KCNQ5: variants seen among roughly 807,000 people sequenced by gnomAD.
The protein encoded by KCNQ5 is potassium voltage-gated channel subfamily Q member 5.
A neutral mutation model predicts 98.2 loss-of-function variants in KCNQ5; 30 were observed. The ratio of observed to expected loss-of-function variants is 0.31; its 90% confidence interval spans 0.23 to 0.41. The LOEUF (loss-of-function observed/expected upper bound fraction) is 0.41, where lower values mean the gene tolerates loss of function less well. KCNQ5 is among the 10% of genes least tolerant of loss of function. The pLI is 1.00. For missense variants in KCNQ5, 835 were observed against 1,182.5 expected, an observed-to-expected ratio of 0.71 and a Z score of 4.31; for synonymous variants, 458 against 449.4, an observed-to-expected ratio of 1.02 and a Z score of -0.24.
At chr6:73,164,626 G>T (rs1393764176) in intron 10 of KCNQ5, among the ~76,000 whole-genome samples, 1 of 152,148 alleles carries the variant, frequency 6.6e-6, no homozygotes, top group Non-Finnish European at 1.5e-5. Context: ...ATTTATGTGT[G>T]AACAATATAG....
chr6:72,984,368 A>C (rs539328314), intron 1 of KCNQ5, among the ~76,000 whole-genome samples: 64 of 152,192 alleles, frequency 4.2e-4, no homozygotes, highest in Non-Finnish European at 7.6e-4. Context: ...GGCTCCACCC[A>C]GTTTGAGCTT....
At chr6:72,635,799 G>A (rs1242009141) in intron 1 of KCNQ5, among the ~76,000 whole-genome samples, 1 of 148,784 alleles carries the variant, frequency 6.7e-6, no homozygotes, top group Admixed American at 6.8e-5. Context: ...CTTAAGAGAT[G>A]CATTGAATTT....
At chr6:72,681,095 A>C (rs1767684166) in intron 1 of KCNQ5, among the ~76,000 whole-genome samples, 1 of 152,244 alleles carries the variant, frequency 6.6e-6, no homozygotes, top group Non-Finnish European at 1.5e-5. Flanking sequence ...TCTGTAAACC[A>C]GGACACAAGT....
At position 73,195,712 on chromosome 6, in the gene KCNQ5, G is replaced by A. The variant is rs1765769208; in HGVS notation, c.*298G>A. On this transcript the variant is annotated 3_prime_UTR_variant, in exon 14 of 14. Transcript: ENST00000370398. Reference sequence around the variant, plus strand: ...GAATATGTCAAGTTTAGGTCATTTAGAAGATTTGACACTGTATTTTGAAAT... The same window carrying A: ...GAATATGTCAAGTTTAGGTCATTTAAAAGATTTGACACTGTATTTTGAAAT... 1.0e-5 allele frequency: 3 copies of A among 299,668 alleles called. No individual in the cohort carries two copies. In the South Asian group the frequency reaches 1.7e-4, roughly 17 times the overall value. The allele number at this position is 299,668 out of a possible 1,614,324, so 18.6% of individuals were successfully genotyped here. A position where few individuals can be genotyped will look rare whatever the true frequency, so the allele number is the denominator to read the frequency against.
intron 1 of KCNQ5, among the ~76,000 whole-genome samples, chr6:72,782,482 G>A (rs184691241): frequency 6.6e-6 from 1 of 152,270 alleles, no homozygotes; most frequent in East Asian, 1.9e-4. Context: ...GTATCACAAA[G>A]CATGCACCAT....
chr6:72,679,773 C>T (rs1033485845), intron 1 of KCNQ5, among the ~76,000 whole-genome samples: 9 of 152,184 alleles, frequency 5.9e-5, no homozygotes, highest in Admixed American at 2.0e-4. Context: ...GGCATGGTGG[C>T]TCACGTCTGT....
chr6:72,641,452 G>A (rs572552865), intron 1 of KCNQ5, among the ~76,000 whole-genome samples: 41 of 152,162 alleles, frequency 2.7e-4, no homozygotes, highest in African/African-American at 9.6e-4. Context: ...ATGTTAAACA[G>A]GCCTACCACT....
chr6:72,763,837 T>C (rs1772413670), intron 1 of KCNQ5, among the ~76,000 whole-genome samples: 1 of 152,018 alleles, frequency 6.6e-6, no homozygotes, highest in South Asian at 2.1e-4. Flanking sequence ...ACAGGACTTC[T>C]CGGGGAGAAA....
chr6:72,775,265 C>G (rs970256231), intron 1 of KCNQ5, among the ~76,000 whole-genome samples: 1 of 152,134 alleles, frequency 6.6e-6, no homozygotes, highest in Admixed American at 6.5e-5. Flanking sequence ...TCCACCTCCC[C>G]CAAAAAATAT....
At chr6:72,754,382 G>A (rs1280050938) in intron 1 of KCNQ5, among the ~76,000 whole-genome samples, 1 of 152,012 alleles carries the variant, frequency 6.6e-6, no homozygotes, top group African/African-American at 2.4e-5. Context: ...TCTTTTTTGT[G>A]TTTCATTAGA....
chr6:73,026,781 T>TA (rs1770910138), intron 2 of KCNQ5, among the ~76,000 whole-genome samples: 1 of 152,086 alleles, frequency 6.6e-6, no homozygotes. Flanking sequence ...CTAAGCACTG[T>TA]AAAAATATTA....
At chr6:72,721,552 G>A (rs754511225) in intron 1 of KCNQ5, among the ~76,000 whole-genome samples, 1 of 152,064 alleles carries the variant, frequency 6.6e-6, no homozygotes, top group African/African-American at 2.4e-5. Context: ...AATCATCTGT[G>A]GGGATTGTTT....
At chr6:73,090,392 C>T (rs541046638) in intron 5 of KCNQ5, among the ~76,000 whole-genome samples, 22 of 152,146 alleles carry the variant, frequency 1.4e-4, no homozygotes, top group African/African-American at 3.1e-4. Context: ...TTTCTTTTGC[C>T]GTGCAAAAGC....
At chr6:73,055,355 C>T (rs1351092057) in intron 3 of KCNQ5, 12 of 1,450,434 alleles carry the variant, frequency 8.3e-6, no homozygotes, top group East Asian at 2.3e-5. Flanking sequence ...CCTCAATGAG[C>T]AGCACTATGG....
chr6:73,084,667 A>T (rs1430075854), intron 5 of KCNQ5, among the ~76,000 whole-genome samples: 1 of 152,160 alleles, frequency 6.6e-6, no homozygotes, highest in Non-Finnish European at 1.5e-5. Context: ...TGAAGTCTAG[A>T]TGTGATTTCC....
chr6:72,766,184 A>G (rs895635084), intron 1 of KCNQ5, among the ~76,000 whole-genome samples: 1 of 152,028 alleles, frequency 6.6e-6, no homozygotes, highest in African/African-American at 2.4e-5. Flanking sequence ...AGGGACTCAG[A>G]CAGAGAGATA....
intron 1 of KCNQ5, among the ~76,000 whole-genome samples, chr6:72,698,648 C>CTTCTTTTTTTTTTTTTT (rs1554689823): frequency 1.1e-5 from 1 of 94,002 alleles, no homozygotes; most frequent in East Asian, 4.2e-4. Flanking sequence ...TCTTCTTCTT[C>CTTCTTTTTTTTTTTTTT]TTTTTTTTTT....
At chr6:73,160,716 T>C (rs183683180) in intron 10 of KCNQ5, among the ~76,000 whole-genome samples, 1 of 152,320 alleles carries the variant, frequency 6.6e-6, no homozygotes, top group East Asian at 1.9e-4. Context: ...TGCTCAGCTC[T>C]GGCTGAGGGA....
chr6:72,822,865 T>A (rs1775819032), intron 1 of KCNQ5, among the ~76,000 whole-genome samples: 1 of 152,102 alleles, frequency 6.6e-6, no homozygotes, highest in African/African-American at 2.4e-5. Context: ...AGAGAATGCA[T>A]TTCCTCTTTT....
Sources: gnomAD v4.1 joint callset for allele counts (sites outside exome capture counted in the v4.1 genomes callset) on GRCh38, gnomAD v4.1.1 for gene constraint, MANE v1.5 for transcripts, NCBI Gene and HGNC (gene_info 2026-07-23, HGNC 2026-07-21) for gene names.